The following UNC5D variants were observed in gnomAD, a reference collection of about 807,000 sequenced individuals.
UNC5D encodes the protein unc-5 netrin receptor D.
UNC5D carries 39 observed loss-of-function variants against 105.4 expected under a neutral mutation model. The ratio of observed to expected loss-of-function variants is 0.37; its 90% CI spans 0.29 to 0.48. The LOEUF (loss-of-function observed/expected upper bound fraction) is 0.48, where lower values mean the gene tolerates loss of function less well. Among genes scored for constraint, UNC5D ranks in the 20% least tolerant of loss-of-function variants. UNC5D has a pLI of 0.98. For missense variants in UNC5D, 991 were observed against 1,202.4 expected (o/e 0.82, Z 2.60); for synonymous variants, 452 against 450.4 (o/e 1.00, Z -0.04).
intron 1 of UNC5D, among the ~76,000 whole-genome samples, chr8:35,503,724 G>T (rs1260526510): frequency 1.3e-5 from 2 of 152,158 alleles, no homozygotes; most frequent in African/African-American, 2.4e-5. Flanking sequence ...AATAGAAAGG[G>T]AGTTAGAATT....
At chr8:35,727,182 CT>C (rs1828923121) in intron 10 of UNC5D, 1 of 152,386 alleles carries the variant, frequency 6.6e-6, no homozygotes, top group South Asian at 2.1e-4. Flanking sequence ...GCCCAGATCA[CT>C]TTTAAAATGA....
intron 4 of UNC5D, among the ~76,000 whole-genome samples, chr8:35,602,189 G>A (rs1819937517): frequency 6.6e-6 from 1 of 152,084 alleles, no homozygotes. Flanking sequence ...GTGTTGCTGA[G>A]TTTGGTTTGC....
At position 35,541,150 on chromosome 8, in the gene UNC5D, T is replaced by C. The variant is rs115430554; in HGVS notation, c.104-8142T>C. 3.6e-3 allele frequency among the ~76,000 whole-genome samples: 555 copies of C among 152,200 alleles called. 7 individuals carry two copies. The highest frequency in any genetic ancestry group is 0.013 in the African/African-American group (530 of 41,532). On this transcript the variant is annotated intron_variant, in intron 1 of 16. Transcript: ENST00000404895. The stretch of plus-strand genomic sequence containing the variant: ...AAGCAGTCCTTGAACCAAAATAGGT[T>C]TAGAGAGACTCCAGGCTGCCACGTG...
intron 1 of UNC5D, chr8:35,525,511 T>C (rs1287628109): frequency 1.9e-6 from 3 of 1,612,346 alleles, no homozygotes; most frequent in Non-Finnish European, 2.5e-6. Context: ...GCAAGCTTAC[T>C]AACATTGAGT....
intron 1 of UNC5D, among the ~76,000 whole-genome samples, chr8:35,534,588 A>G (rs560629731): frequency 7.9e-5 from 12 of 151,792 alleles, no homozygotes; most frequent in African/African-American, 2.4e-4. Context: ...TTCAAGATCA[A>G]TTCAAAATAG....
intron 1 of UNC5D, among the ~76,000 whole-genome samples, chr8:35,293,988 A>G (rs77702807): frequency 0.01 from 1,556 of 152,268 alleles, 17 homozygotes; most frequent in Middle Eastern, 0.024. Context: ...TCCAGTATTA[A>G]AAGAACTTTA....
At chr8:35,588,426 TAGGCCTGTG>T (rs1271278697) in intron 3 of UNC5D, among the ~76,000 whole-genome samples, 1 of 152,206 alleles carries the variant, frequency 6.6e-6, no homozygotes, top group African/African-American at 2.4e-5. Flanking sequence ...TGTGTGTTTT[TAGGCCTGTG>T]AGATTCTCTG....
At chr8:35,409,556 G>A (rs1404366148) in intron 1 of UNC5D, among the ~76,000 whole-genome samples, 1 of 151,940 alleles carries the variant, frequency 6.6e-6, no homozygotes, top group African/African-American at 2.4e-5. Context: ...GTGGATATGT[G>A]TCTTTTTAAA....
intron 1 of UNC5D, among the ~76,000 whole-genome samples, chr8:35,367,071 C>A (rs1165793596): frequency 6.6e-6 from 1 of 152,156 alleles, no homozygotes; most frequent in Non-Finnish European, 1.5e-5. Context: ...AGTAATTTTT[C>A]AGAGAAGAAC....
At chr8:35,531,000 C>G (rs1383355504) in intron 1 of UNC5D, among the ~76,000 whole-genome samples, 1 of 150,688 alleles carries the variant, frequency 6.6e-6, no homozygotes, top group African/African-American at 2.5e-5. Flanking sequence ...AAAACCAGCT[C>G]CTGGATTCAT....
intron 13 of UNC5D, among the ~76,000 whole-genome samples, chr8:35,756,302 A>G (rs1402624767): frequency 6.6e-6 from 1 of 152,168 alleles, no homozygotes; most frequent in African/African-American, 2.4e-5. Context: ...ATCATGTTGT[A>G]TTTAAATTTG....
chr8:35,605,074 C>G lies in UNC5D; in HGVS notation c.570+9417C>G, dbSNP rs1820191737. On this transcript the variant is annotated intron_variant, in intron 4 of 16. Coordinates refer to ENST00000404895, the MANE Select transcript of UNC5D (RefSeq NM_080872.4). ...AAGTCATTCTCCGTCCAGCTTTGTT[C>G]CGTTGCTGGTGAGGAGCTGCGTTCC... 2.0e-5 allele frequency among the ~76,000 whole-genome samples: 3 copies of G among 152,178 alleles called. No individual in the cohort carries two copies. The South Asian group carries it at 6.2e-4, about 32-fold the overall frequency.
chr8:35,326,737 C>T (rs1412164227), intron 1 of UNC5D, among the ~76,000 whole-genome samples: 7 of 150,494 alleles, frequency 4.7e-5, no homozygotes, highest in South Asian at 2.1e-4. Flanking sequence ...ACCTGGGTGA[C>T]GGAGCAAGAC....
rs955712710 is a variant in UNC5D, at chr8:35,796,529, C to G, written c.*5966C>G. 1.3e-5 allele frequency: 2 copies of G among 149,988 alleles called. No homozygotes were observed. The highest frequency in any genetic ancestry group is 2.5e-5 in the African/African-American group (1 of 40,610). The allele number at this position is 149,988 out of a possible 1,614,324, so 9.3% of individuals were successfully genotyped here. ...TATCAGTTATTTATGAATAAAGAGT[C>G]TTTTATTGACATTTTAGGATACTAC... On this transcript the variant is annotated 3_prime_UTR_variant, in exon 17 of 17. Coordinates refer to ENST00000404895, the MANE Select transcript of UNC5D (RefSeq NM_080872.4).
chr8:35,235,585 A>G lies in UNC5D; in HGVS notation c.-200A>G. The stretch of plus-strand genomic sequence containing the variant: ...AGCGGTCGCCGCGCCGTGGGAAGCT[A>G]TGGGGACGCGCCCTTTCTCGGGGTG... On this transcript the variant is annotated 5_prime_UTR_variant, in exon 1 of 17. An upstream start codon of the reference 5' UTR is lost. Coordinates refer to ENST00000404895, the MANE Select transcript of UNC5D (RefSeq NM_080872.4). 2 of 384,442 alleles carry G rather than the reference A, an allele frequency of 5.2e-6. No individual in the cohort carries two copies. Among genetic ancestry groups the G allele is most frequent in the Non-Finnish European group, 9.0e-6 (2 of 222,642 alleles). The allele number at this position is 384,442 out of a possible 1,614,324, so 23.8% of individuals were successfully genotyped here.
At chr8:35,551,023 A>T (rs1034743064) in intron 2 of UNC5D, among the ~76,000 whole-genome samples, 5 of 152,154 alleles carry the variant, frequency 3.3e-5, no homozygotes, top group Non-Finnish European at 7.4e-5. Flanking sequence ...CTCAAATAAG[A>T]GTGTGGAGCC....
intron 1 of UNC5D, among the ~76,000 whole-genome samples, chr8:35,283,855 T>C (rs1198558921): frequency 6.6e-6 from 1 of 152,012 alleles, no homozygotes; most frequent in Non-Finnish European, 1.5e-5. Flanking sequence ...TCCTAAATTG[T>C]TTTAGAATGG....
chr8:35,277,893 T>A (rs368437075), intron 1 of UNC5D, among the ~76,000 whole-genome samples: 2 of 152,344 alleles, frequency 1.3e-5, no homozygotes, highest in South Asian at 2.1e-4. Flanking sequence ...TGGTATTGAA[T>A]GTTCTTCAAA....
intron 1 of UNC5D, 78 bp from the exon 2 acceptor site, chr8:35,549,214 G>C: frequency 1.5e-6 from 2 of 1,318,490 alleles, no homozygotes; most frequent in East Asian, 4.7e-5. Flanking sequence ...TCTTAGAGCT[G>C]GTGCAGGTTT....
Sources: allele counts gnomAD v4.1 joint callset (sites outside exome capture counted in the v4.1 genomes callset), GRCh38; gene constraint gnomAD v4.1.1; transcripts MANE v1.5; gene names NCBI Gene and HGNC (gene_info 2026-07-23, HGNC 2026-07-21).